Variants in CNTN4 observed in about 807,000 individuals in gnomAD.
CNTN4 encodes the protein contactin 4.
In CNTN4, 77 loss-of-function variants were observed where a neutral mutation model predicts 122.5. The ratio of observed to expected loss-of-function variants is 0.63; its 90% confidence interval spans 0.52 to 0.76. The LOEUF (loss-of-function observed/expected upper bound fraction) is 0.76. CNTN4 is among the 30% of genes least tolerant of loss of function. The probability of loss-of-function intolerance (pLI) is 0.00; values close to 1 mark genes in which losing one functional copy is unlikely to be tolerated. For missense variants in CNTN4, 1,256 were observed against 1,259.1 expected (o/e 1.00, Z 0.04); for synonymous variants, 512 against 447.0 (o/e 1.15, Z -1.83).
At chr3:2,227,154 G>A (rs2039315173) in intron 2 of CNTN4, among the ~76,000 whole-genome samples, 1 of 151,990 alleles carries the variant, frequency 6.6e-6, no homozygotes. Flanking sequence ...GGGACCAATG[G>A]CATGTCATAT....
At chr3:2,328,424 A>G (rs934323715) in intron 2 of CNTN4, among the ~76,000 whole-genome samples, 1 of 152,208 alleles carries the variant, frequency 6.6e-6, no homozygotes, top group African/African-American at 2.4e-5. Flanking sequence ...AAAAAATAAA[A>G]AACACAGTTT....
intron 2 of CNTN4, among the ~76,000 whole-genome samples, chr3:2,216,771 G>A (rs1229290965): frequency 1.3e-5 from 2 of 151,998 alleles, no homozygotes; most frequent in African/African-American, 4.8e-5. Context: ...TTATGCCCTG[G>A]CTGGTTCCAG....
intron 8 of CNTN4, among the ~76,000 whole-genome samples, chr3:2,870,135 A>G (rs1170923841): frequency 1.3e-5 from 2 of 152,256 alleles, no homozygotes; most frequent in Non-Finnish European, 2.9e-5. Context: ...AGAAACAAAC[A>G]TTCAGGAACA....
intron 3 of CNTN4, among the ~76,000 whole-genome samples, chr3:2,504,714 A>T (rs999291774): frequency 1.3e-4 from 20 of 152,210 alleles, no homozygotes; most frequent in Non-Finnish European, 1.5e-5. Flanking sequence ...AAATATTGTG[A>T]TCAAACAACA....
At chr3:2,534,896 C>T (rs942734328) in intron 3 of CNTN4, among the ~76,000 whole-genome samples, 11 of 145,688 alleles carry the variant, frequency 7.6e-5, no homozygotes, top group East Asian at 3.9e-4. Context: ...TGTGGAGAAA[C>T]GTCTTTCAAG....
intron 4 of CNTN4, 88 bp from the exon 5 acceptor site, chr3:2,736,127 C>G: frequency 7.5e-6 from 10 of 1,335,372 alleles, no homozygotes; most frequent in Non-Finnish European, 1.1e-5. Flanking sequence ...TAATTTCTTT[C>G]TATTATTTTC....
chr3:2,476,520 C>T (rs778017369), intron 3 of CNTN4, among the ~76,000 whole-genome samples: 4 of 152,152 alleles, frequency 2.6e-5, no homozygotes, highest in Non-Finnish European at 4.4e-5. Context: ...CTACCTCTTA[C>T]GGCAAGAGTG....
chr3:2,666,426 A>G lies in CNTN4; in HGVS notation c.56-69789A>G, dbSNP rs2084167230. On this transcript the variant is annotated intron_variant, in intron 4 of 24. Transcript: ENST00000418658. ...GACATTGAAAAAAACTGTTTCAGGG[A>G]AAAAACATTTTCCTTTCTAGATCAT... 2.0e-5 allele frequency among the ~76,000 whole-genome samples: 3 copies of G among 152,122 alleles called. No homozygotes were observed. In the South Asian group the frequency reaches 6.2e-4, roughly 31 times the overall value.
intron 2 of CNTN4, among the ~76,000 whole-genome samples, chr3:2,296,809 A>AC (rs1407345123): frequency 2.0e-5 from 3 of 150,544 alleles, no homozygotes; most frequent in East Asian, 2.0e-4. Context: ...AACAACAAAA[A>AC]ACTATAATTC....
intron 8 of CNTN4, among the ~76,000 whole-genome samples, chr3:2,876,744 T>C (rs1364497437): frequency 6.6e-6 from 1 of 152,202 alleles, no homozygotes; most frequent in African/African-American, 2.4e-5. Flanking sequence ...TTAATAATTG[T>C]CCAGGTTTTG....
At chr3:2,221,584 G>A (rs1575111440) in intron 2 of CNTN4, among the ~76,000 whole-genome samples, 1 of 151,396 alleles carries the variant, frequency 6.6e-6, no homozygotes, top group African/African-American at 2.4e-5. Context: ...TCCTTCAAAG[G>A]CTGCCATTAA....
In CNTN4 at chr3:2,985,912, C is replaced by CT. The variant is rs762011820; in HGVS notation, c.1359-2414dup. 4.4e-3 allele frequency among the ~76,000 whole-genome samples: 571 copies of CT among 129,884 alleles called. 1 individual carries two copies. The highest frequency in any genetic ancestry group is 6.1e-3 in the Non-Finnish European group (375 of 61,380). 85.2% of individuals were successfully genotyped at this position (129,884 alleles called of 152,430 possible). A position where few individuals can be genotyped will look rare whatever the true frequency, so the allele number is the denominator to read the frequency against. On this transcript the variant is annotated intron_variant, in intron 13 of 24. Coordinates refer to ENST00000418658, the MANE Select transcript of CNTN4 (RefSeq NM_175607.3). The stretch of plus-strand genomic sequence containing the variant: ...ATACAAATGACCAAATAAGAGAATA[C>CT]TTTTTTTTTTTTTTTTTTTCGAGAC...
chr3:2,462,440 A>C (rs750542181), intron 3 of CNTN4, among the ~76,000 whole-genome samples: 2 of 152,036 alleles, frequency 1.3e-5, no homozygotes, highest in African/African-American at 2.4e-5. Flanking sequence ...TAAAAGTAGC[A>C]CTCTGATGAC....
intron 2 of CNTN4, among the ~76,000 whole-genome samples, chr3:2,327,040 C>T (rs1164862255): frequency 6.6e-6 from 1 of 152,076 alleles, no homozygotes; most frequent in Non-Finnish European, 1.5e-5. Context: ...TGTAGCATTG[C>T]CTACCCTGGA....
intron 7 of CNTN4, among the ~76,000 whole-genome samples, chr3:2,828,406 G>A (rs2093032333): frequency 6.6e-6 from 1 of 152,134 alleles, no homozygotes. Context: ...AAAAGGTCCT[G>A]TAATAAGGCA....
chr3:2,496,442 A>G (rs1044484317), intron 3 of CNTN4, among the ~76,000 whole-genome samples: 20 of 152,182 alleles, frequency 1.3e-4, no homozygotes, highest in Admixed American at 4.6e-4. Context: ...ACAAATAAAA[A>G]TATAACATTT....
At chr3:2,340,993 C>T (rs1399623924) in intron 3 of CNTN4, among the ~76,000 whole-genome samples, 1 of 151,936 alleles carries the variant, frequency 6.6e-6, no homozygotes, top group Non-Finnish European at 1.5e-5. Context: ...GCAAGCTGCT[C>T]CACAAGGTCC....
chr3:2,793,129 CAG>C (rs1381652165), intron 6 of CNTN4, among the ~76,000 whole-genome samples: 2 of 152,084 alleles, frequency 1.3e-5, no homozygotes, highest in Non-Finnish European at 2.9e-5. Context: ...AACAGGAAGA[CAG>C]AGTTCAAATG....
At chr3:2,573,138 C>T (rs1003464338) in intron 4 of CNTN4, among the ~76,000 whole-genome samples, 4 of 152,140 alleles carry the variant, frequency 2.6e-5, no homozygotes, top group Non-Finnish European at 4.4e-5. Flanking sequence ...CTGTTCATAG[C>T]GTATGGTCTT....
Sources: gnomAD v4.1 joint callset for allele counts (sites outside exome capture counted in the v4.1 genomes callset) on GRCh38, gnomAD v4.1.1 for gene constraint, MANE v1.5 for transcripts, NCBI Gene and HGNC (gene_info 2026-07-23, HGNC 2026-07-21) for gene names.